DDX6: variants seen among roughly 807,000 people sequenced by gnomAD.
The protein encoded by DDX6 is probable ATP-dependent RNA helicase DDX6.
DDX6 carries 7 observed loss-of-function variants against 60.6 expected under a neutral mutation model. That is an observed-to-expected ratio of 0.12 (90% confidence interval 0.07 to 0.22). The LOEUF is 0.22. Among genes scored for constraint, DDX6 ranks in the 10% least tolerant of loss-of-function variants. The pLI is 1.00. For missense variants in DDX6, 270 were observed against 589.9 expected (o/e 0.46, Z 5.62); for synonymous variants, 207 against 201.0 (o/e 1.03, Z -0.25).
At chr11:118,764,438 C>T (rs1400109029) in intron 6 of DDX6, among the ~76,000 whole-genome samples, 2 of 152,106 alleles carry the variant, frequency 1.3e-5, no homozygotes, top group Non-Finnish European at 2.9e-5. Context: ...GACAATACCA[C>T]CCCATAGCAA....
intron 2 of DDX6, among the ~76,000 whole-genome samples, chr11:118,783,223 C>T (rs1387130608): frequency 6.6e-6 from 1 of 152,210 alleles, no homozygotes; most frequent in East Asian, 1.9e-4. Flanking sequence ...AACCATTAAT[C>T]GTAGGAAAAC....
At position 118,752,100 on chromosome 11, in the gene DDX6, A is replaced by G. The variant is rs1240216382; in HGVS notation, c.*8-3T>C. On this transcript the variant is annotated splice_region_variant and splice_polypyrimidine_tract_variant and intron_variant, in intron 13 of 13. Coordinates refer to ENST00000534980, the MANE Select transcript of DDX6 (RefSeq NM_004397.6). ...AGCCTTTTGTAATTTGTCAAAGCCT[A>G]CAGAAGAAGAGAATACAAAATTAAC... The G allele has an allele frequency of 4.3e-6, 1 of 232,682 alleles. No homozygotes were observed. The highest frequency in any genetic ancestry group is 8.8e-6 in the Non-Finnish European group (1 of 113,996). The allele number at this position is 232,682 out of a possible 1,614,324, so 14.4% of individuals were successfully genotyped here.
chr11:118,777,224 T>C (rs1861729641), intron 4 of DDX6, among the ~76,000 whole-genome samples: 1 of 129,604 alleles, frequency 7.7e-6, no homozygotes, highest in Non-Finnish European at 1.7e-5. Flanking sequence ...TCAAACACTT[T>C]CTAGGTCACT....
At chr11:118,768,142 A>T (rs1861417550) in intron 5 of DDX6, 81 bp downstream of exon 5, 2 of 1,316,154 alleles carry the variant, frequency 1.5e-6, no homozygotes, top group Non-Finnish European at 2.0e-6. Flanking sequence ...AATTCTGACT[A>T]AAAAAAGAGT....
At position 118,751,330 on chromosome 11, in the gene DDX6, T is replaced by A. The variant is rs1412884178; in HGVS notation, c.*775A>T. Reference sequence around the variant, plus strand: ...CCTTTGGGAGCGATGATGTTTTTTATCTACTCAGCCCAGAAGAAATTTTTA... The same window carrying A: ...CCTTTGGGAGCGATGATGTTTTTTAACTACTCAGCCCAGAAGAAATTTTTA... On this transcript the variant is annotated 3_prime_UTR_variant, in exon 14 of 14. Coordinates refer to ENST00000534980, the MANE Select transcript of DDX6 (RefSeq NM_004397.6). 1 of 151,998 alleles carries A rather than the reference T, an allele frequency of 6.6e-6. No individual in the cohort carries two copies. The highest frequency in any genetic ancestry group is 1.5e-5 in the Non-Finnish European group (1 of 68,010). The allele number at this position is 151,998 out of a possible 1,614,324, so 9.4% of individuals were successfully genotyped here. A position where few individuals can be genotyped will look rare whatever the true frequency, so the allele number is the denominator to read the frequency against.
chr11:118,788,450 T>G (rs990855197), intron 1 of DDX6: 1 of 152,230 alleles, frequency 6.6e-6, no homozygotes, highest in Non-Finnish European at 1.5e-5. Context: ...CAGGCTGGAG[T>G]GCAATGGCGC....
intron 5 of DDX6, among the ~76,000 whole-genome samples, chr11:118,766,854 C>T (rs1861370492): frequency 6.6e-6 from 1 of 151,936 alleles, no homozygotes; most frequent in African/African-American, 2.4e-5. Context: ...GCTGGGATTA[C>T]AGGTGTGAGT....
chr11:118,759,973 C>A lies in DDX6; in HGVS notation c.813G>T (p.Arg271Ser). Residue 271 changes from arginine (R) to serine (S), a missense_variant, in exon 8 of 14, where the codon AGG becomes AGT. Arg to Ser is a moderately radical substitution (Grantham distance 110). Around this residue, in one of 8 missense-constraint regions of DDX6, gnomAD observed 69 missense variants for 208.2 expected, o/e 0.33. Coordinates refer to ENST00000534980, the MANE Select transcript of DDX6 (RefSeq NM_004397.6). ...EDIILTLPKNRQILLYSATFP... is the reference protein window; with the variant it reads ...EDIILTLPKNSQILLYSATFP... Reference sequence around the variant, plus strand: ...AAGTAGCGGAATATAGTAAAATCTGCCTGTTTTTAGGTAGCGTGAGAATAA... The same window carrying A: ...AAGTAGCGGAATATAGTAAAATCTGACTGTTTTTAGGTAGCGTGAGAATAA... The A allele has an allele frequency of 6.2e-7, 1 of 1,613,702 alleles. No homozygotes were observed. Among genetic ancestry groups the A allele is most frequent in the African/African-American group, 1.3e-5 (1 of 75,038 alleles).
rs2137430835 is a variant in DDX6, at chr11:118,758,792, G to T, written c.975C>A (p.Leu325=). The change falls in exon 9 of 14, where the codon CTC becomes CTA. Residue 325 remains leucine (L), a synonymous_variant. Transcript: ENST00000534980. The part of the protein sequence containing the change: ...YVTERQKVHC[L]NTLFSRLQIN... ...TTCTTACCCTGGAGAAAAGTGTGTT[G>T]AGGCAGTGTACTTTTTGGCGCTCAG... The T allele has an allele frequency of 6.2e-7, 1 of 1,613,806 alleles. No individual in the cohort carries two copies. The highest frequency in any genetic ancestry group is 8.5e-7 in the Non-Finnish European group (1 of 1,179,812).
chr11:118,775,893 A>G (rs1443601848), intron 4 of DDX6, among the ~76,000 whole-genome samples: 1 of 152,204 alleles, frequency 6.6e-6, no homozygotes, highest in Non-Finnish European at 1.5e-5. Flanking sequence ...CACATTGGGA[A>G]GCCAAGGCAG....
chr11:118,776,461 G>A (rs1397349679), intron 4 of DDX6, among the ~76,000 whole-genome samples: 1 of 152,132 alleles, frequency 6.6e-6, no homozygotes, highest in Non-Finnish European at 1.5e-5. Context: ...ATCAAAGCAC[G>A]CTAAATAAGC....
At chr11:118,754,490 A>G (rs1860895133) in intron 13 of DDX6, 1 of 461,176 alleles carries the variant, frequency 2.2e-6, no homozygotes, top group East Asian at 3.6e-5. Flanking sequence ...AATCTACCAC[A>G]TTACCCGGGA....
chr11:118,757,690 A>G (rs551263668), intron 9 of DDX6, among the ~76,000 whole-genome samples: 7 of 152,094 alleles, frequency 4.6e-5, no homozygotes, highest in Non-Finnish European at 8.8e-5. Context: ...TCCTGGGTTC[A>G]AACAATTCTC....
intron 4 of DDX6, among the ~76,000 whole-genome samples, chr11:118,771,614 G>C (rs557135750): frequency 6.6e-6 from 1 of 152,344 alleles, no homozygotes; most frequent in Non-Finnish European, 1.5e-5. Flanking sequence ...AACTGCCAGG[G>C]AGAAGGCAAA....
rs907910529 is a variant in DDX6, at chr11:118,763,293, A to G, written c.660T>C (p.Ile220=). The G allele has an allele frequency of 6.2e-7, 1 of 1,612,518 alleles. No individual in the cohort carries two copies. Among genetic ancestry groups the G allele is most frequent in the Admixed American group, 1.7e-5 (1 of 59,980 alleles). ...GATCCAGGATTCTCCCAGGGGTAGCAATCACCACGTGCACTATGCAAGATT... is the reference window on the plus strand; with the variant it reads ...GATCCAGGATTCTCCCAGGGGTAGCGATCACCACGTGCACTATGCAAGATT... ...MRLDDTVHVV[I]ATPGRILDLI... The change falls in exon 7 of 14, where the codon ATT becomes ATC. Residue 220 remains isoleucine (I), a synonymous_variant. Coordinates refer to ENST00000534980, the MANE Select transcript of DDX6 (RefSeq NM_004397.6).
chr11:118,756,029 C>CCCCCCCA (rs1491121650), intron 11 of DDX6, among the ~76,000 whole-genome samples: 2 of 94,986 alleles, frequency 2.1e-5, no homozygotes, highest in African/African-American at 8.0e-5. Context: ...CCCCCCCCCC[C>CCCCCCCA]AAAAAAAAGA....
At chr11:118,766,958 T>C (rs535996) in intron 5 of DDX6, among the ~76,000 whole-genome samples, 130,989 of 151,684 alleles carry the variant, frequency 0.86, 56,737 homozygotes, top group East Asian at 1. Flanking sequence ...TGATCTTGGC[T>C]GACTGCAACC....
chr11:118,765,374 A>C lies in DDX6; in HGVS notation c.500-19T>G. 6.2e-7 allele frequency: 1 copy of C among 1,613,250 alleles called. No homozygotes were observed. The highest frequency in any genetic ancestry group is 8.5e-7 in the Non-Finnish European group (1 of 1,179,282). ...ACCATTGCTGAAACAGTATCAAGGA[A>C]TATATAAGAAAATATGGGGTGAGGT... is the stretch of plus-strand genomic sequence containing the variant. On this transcript the variant is annotated intron_variant, in intron 5 of 13. Transcript: ENST00000534980.
chr11:118,752,906 T>C (rs577558449), intron 13 of DDX6, among the ~76,000 whole-genome samples: 6 of 152,014 alleles, frequency 3.9e-5, no homozygotes, highest in Non-Finnish European at 7.4e-5. Context: ...CGGGGCAACA[T>C]AGTGAGATCC....
Sources: gnomAD v4.1 joint callset for allele counts (sites outside exome capture counted in the v4.1 genomes callset) on GRCh38, gnomAD v4.1.1 for gene constraint, gnomAD v4.1.1 regional missense constraint, MANE v1.5 for transcripts, NCBI Gene and HGNC (gene_info 2026-07-23, HGNC 2026-07-21) for gene names.